RRAS2: variants seen among roughly 807,000 people sequenced by gnomAD.
RRAS2 encodes ras-related protein R-Ras2.
In RRAS2, 7 loss-of-function variants were observed where a neutral mutation model predicts 27.6. That is an observed-to-expected ratio of 0.25 (90% CI 0.14 to 0.48). RRAS2 has a LOEUF of 0.48. Ranked by LOEUF, RRAS2 falls within the 20% of genes least tolerant of loss-of-function variation. RRAS2 has a pLI of 0.99. For synonymous variants in RRAS2, 86 were observed against 90.9 expected (o/e 0.95, Z 0.31); for missense variants, 178 against 256.2 (o/e 0.69, Z 2.08).
At chr11:14,334,871 A>AC (rs1848559417) in intron 1 of RRAS2, among the ~76,000 whole-genome samples, 1 of 152,142 alleles carries the variant, frequency 6.6e-6, no homozygotes, top group African/African-American at 2.4e-5. Context: ...TTTTCTAAAA[A>AC]CACTCACATG....
intron 1 of RRAS2, among the ~76,000 whole-genome samples, chr11:14,324,761 C>T (rs143176259): frequency 1.3e-5 from 2 of 152,210 alleles, no homozygotes; most frequent in East Asian, 3.9e-4. Context: ...TTATCCTACC[C>T]TCTACGAAAT....
intron 5 of RRAS2, among the ~76,000 whole-genome samples, chr11:14,281,125 G>A (rs1248485861): frequency 6.6e-6 from 1 of 152,176 alleles, no homozygotes; most frequent in Non-Finnish European, 1.5e-5. Flanking sequence ...AGGAGCACAG[G>A]CTCTGGAATC....
At chr11:14,289,238 AT>A (rs1269146449) in intron 4 of RRAS2, among the ~76,000 whole-genome samples, 1 of 152,208 alleles carries the variant, frequency 6.6e-6, no homozygotes, top group Non-Finnish European at 1.5e-5. Context: ...ATAATAAGTT[AT>A]TTTCTCAAAT....
chr11:14,294,933 T>G, intron 2 of RRAS2, 71 bp from the exon 3 acceptor site: 1 of 1,242,258 alleles, frequency 8.0e-7, no homozygotes. Flanking sequence ...GCAAGACCAA[T>G]TAATGTGAGT....
At chr11:14,287,888 A>AAG (rs1554945296) in intron 4 of RRAS2, among the ~76,000 whole-genome samples, 8 of 140,622 alleles carry the variant, frequency 5.7e-5, no homozygotes, top group East Asian at 2.1e-4. Flanking sequence ...AAAAAAAAAA[A>AAG]AAGAAGAAGA....
intron 4 of RRAS2, among the ~76,000 whole-genome samples, chr11:14,291,816 T>C (rs1211746622): frequency 2.0e-5 from 3 of 152,132 alleles, no homozygotes; most frequent in African/African-American, 7.2e-5. Flanking sequence ...TCAGTACAGG[T>C]TGAATACCCC....
rs972629993 is a variant in RRAS2, at chr11:14,339,321, A to G, written c.108+19442T>C. 2.7e-5 allele frequency among the ~76,000 whole-genome samples: 4 copies of G among 149,316 alleles called. No homozygotes were observed. The South Asian group carries it at 6.4e-4, about 24-fold the overall frequency. ...GGGGGGGGGGAAGAAAAAATCTATA[A>G]TAAAAAAATAAAAAGACCGATCCAT... On this transcript the variant is annotated intron_variant, in intron 1 of 5. Transcript: ENST00000256196.
chr11:14,346,166 G>A (rs1848825340), intron 1 of RRAS2, among the ~76,000 whole-genome samples: 1 of 152,136 alleles, frequency 6.6e-6, no homozygotes, highest in African/African-American at 2.4e-5. Context: ...CAAGGATGGA[G>A]AAGACAAATT....
intron 1 of RRAS2, among the ~76,000 whole-genome samples, chr11:14,320,629 G>C (rs1848201558): frequency 6.6e-6 from 1 of 152,086 alleles, no homozygotes; most frequent in Non-Finnish European, 1.5e-5. Flanking sequence ...TTTTAGAAAA[G>C]GTTGTGCAAA....
intron 4 of RRAS2, among the ~76,000 whole-genome samples, chr11:14,286,254 T>A (rs782189605): frequency 2.0e-5 from 3 of 152,224 alleles, no homozygotes; most frequent in Non-Finnish European, 4.4e-5. Context: ...CTTCTTTATA[T>A]GTATGGGAAT....
At chr11:14,348,329 T>C (rs151297303) in intron 1 of RRAS2, among the ~76,000 whole-genome samples, 1 of 152,228 alleles carries the variant, frequency 6.6e-6, no homozygotes, top group South Asian at 2.1e-4. Flanking sequence ...CAATAACTTA[T>C]GAGAACATAC....
intron 1 of RRAS2, among the ~76,000 whole-genome samples, chr11:14,303,399 A>G: frequency 6.6e-6 from 1 of 152,176 alleles, no homozygotes; most frequent in Non-Finnish European, 1.5e-5. Flanking sequence ...CCTGAATGAA[A>G]TCTAAGGCAA....
chr11:14,360,514 C>T (rs1803358157), upstream of RRAS2, among the ~76,000 whole-genome samples: 1 of 152,186 alleles, frequency 6.6e-6, no homozygotes, highest in Admixed American at 6.5e-5. Context: ...GATCCTTCCA[C>T]CTCAGCCTCC....
chr11:14,359,201 G>A, upstream of RRAS2: 3 of 991,634 alleles, frequency 3.0e-6, no homozygotes, highest in East Asian at 1.1e-4. Context: ...GGGCTGCCAG[G>A]CTGAGGTGCT....
upstream of RRAS2, among the ~76,000 whole-genome samples, chr11:14,362,162 C>T (rs1330964503): frequency 6.6e-6 from 1 of 152,110 alleles, no homozygotes; most frequent in Non-Finnish European, 1.5e-5. Flanking sequence ...GATTGCACAA[C>T]TCTGTAAATA....
intron 1 of RRAS2, among the ~76,000 whole-genome samples, chr11:14,349,187 C>CT (rs561538827): frequency 5.2e-4 from 78 of 150,822 alleles, no homozygotes; most frequent in Middle Eastern, 6.9e-3. Flanking sequence ...GAGTCTTGCT[C>CT]TGTCACCCAA....
chr11:14,282,261 GA>G (rs1367397568), intron 4 of RRAS2, among the ~76,000 whole-genome samples: 1 of 152,200 alleles, frequency 6.6e-6, no homozygotes, highest in African/African-American at 2.4e-5. Context: ...TGAGGATGGA[GA>G]AAAGTGTAAG....
At chr11:14,341,729 G>C (rs1848711360) in intron 1 of RRAS2, 1 of 422,774 alleles carries the variant, frequency 2.4e-6, no homozygotes, top group Non-Finnish European at 4.7e-6. Context: ...ACACAGTTAA[G>C]TCAGAGTACA....
intron 2 of RRAS2, among the ~76,000 whole-genome samples, chr11:14,295,385 GTC>G (rs1203147264): frequency 6.6e-6 from 1 of 152,198 alleles, no homozygotes; most frequent in African/African-American, 2.4e-5. Context: ...ACTTGCTAAA[GTC>G]TCTGTGCTAT....
Sources: gnomAD v4.1 joint callset for allele counts (sites outside exome capture counted in the v4.1 genomes callset) on GRCh38, gnomAD v4.1.1 for gene constraint, MANE v1.5 for transcripts, NCBI Gene and HGNC (gene_info 2026-07-23, HGNC 2026-07-21) for gene names.